The following ZNF551 variants were observed in gnomAD, a reference collection of about 807,000 sequenced individuals.
ZNF551 encodes the protein zinc finger protein 551.
In ZNF551, 5 loss-of-function variants were observed where a neutral mutation model predicts 7.9. That is an observed-to-expected ratio of 0.63 (90% confidence interval 0.33 to 1.33). ZNF551 has a LOEUF of 1.33. Ranked by LOEUF, ZNF551 falls within the 40% of genes most tolerant of loss-of-function variation. The pLI, the probability that ZNF551 is intolerant of heterozygous loss-of-function variation, is 0.05. For missense variants in ZNF551, 788 were observed against 825.2 expected (o/e 0.95, Z 0.55); for synonymous variants, 287 against 277.3 (o/e 1.03, Z -0.35).
At chr19:57,685,902 T>C (rs1984538244) in intron 2 of ZNF551, among the ~76,000 whole-genome samples, 1 of 152,212 alleles carries the variant, frequency 6.6e-6, no homozygotes, top group East Asian at 1.9e-4. Context: ...CAGCAGTATT[T>C]TGGTGCAAGT....
rs750722810 is a variant in ZNF551 at position 57,687,957 on chromosome 19, G to T, written c.1682G>T (p.Cys561Phe). The T allele has an allele frequency of 4.3e-6, 7 of 1,614,172 alleles. No homozygotes were observed. In the South Asian group the frequency reaches 7.7e-5, roughly 18 times the overall value. Residue 561 changes from cysteine (C) to phenylalanine (F), a missense_variant, in exon 3 of 3, where the codon TGT becomes TTT. Transcript: ENST00000282296. ...CATACTGGAGAAAGGCCTTATGAAT[G>T]TAGTGAATGTGGAAAGTCTTTTAGC... is the stretch of plus-strand genomic sequence containing the variant. ...RLHTGERPYE[C>F]SECGKSFSQS...
In ZNF551 at chr19:57,682,186, G is replaced by T; in HGVS notation, c.23G>T (p.Arg8Leu). 6.5e-7 allele frequency: 1 copy of T among 1,549,338 alleles called. No homozygotes were observed. The highest frequency in any genetic ancestry group is 8.7e-7 in the Non-Finnish European group (1 of 1,146,780). ...CGAATGCCCGCCCCGGTCGGCCGCCGCTCCCCGCCTAGTCCACGGAGCTCA... is the reference window on the plus strand; with the variant it reads ...CGAATGCCCGCCCCGGTCGGCCGCCTCTCCCCGCCTAGTCCACGGAGCTCA... MPAPVGR[R>L]SPPSPRSSMA... Residue 8 changes from arginine to leucine, a missense_variant, in exon 1 of 3, where the codon CGC becomes CTC. By Grantham distance (102) the Arg-to-Leu change is moderately radical (BLOSUM62 -2). Coordinates refer to ENST00000282296, the MANE Select transcript of ZNF551 (RefSeq NM_138347.5).
chr19:57,686,471 C>T lies in ZNF551; in HGVS notation c.206-10C>T. 1 of 1,594,408 alleles carries T rather than the reference C, an allele frequency of 6.3e-7. No individual in the cohort carries two copies. The highest frequency in any genetic ancestry group is 8.6e-7 in the Non-Finnish European group (1 of 1,166,034). On this transcript the variant is annotated splice_polypyrimidine_tract_variant and intron_variant, in intron 2 of 2. Transcript: ENST00000282296. Reference sequence around the variant, plus strand: ...CAGCATGCATTTCATCAGCATTTCTCTGCTTTCAGGTTATTGCCATGGAAT... The same window carrying T: ...CAGCATGCATTTCATCAGCATTTCTTTGCTTTCAGGTTATTGCCATGGAAT...
At chr19:57,685,238 A>G (rs1984518046) in intron 1 of ZNF551, 24 bp from the exon 2 acceptor site, 1 of 1,612,644 alleles carries the variant, frequency 6.2e-7, no homozygotes, top group Admixed American at 1.7e-5. Flanking sequence ...CTGATCGTGG[A>G]TTGAACTATT....
intron 1 of ZNF551, 118 bp downstream of exon 1, chr19:57,682,362 G>A: frequency 3.5e-6 from 4 of 1,133,568 alleles, no homozygotes; most frequent in Non-Finnish European, 4.9e-6. Flanking sequence ...ACAAGAAGGC[G>A]CTTGTGGATT....
At position 57,688,342 on chromosome 19, in the gene ZNF551, T is replaced by G. The variant is rs1984657525; in HGVS notation, c.*54T>G. 1 of 1,562,772 alleles carries G rather than the reference T, an allele frequency of 6.4e-7. No individual in the cohort carries two copies. The highest frequency in any genetic ancestry group is 1.4e-5 in the African/African-American group (1 of 73,098). On this transcript the variant is annotated 3_prime_UTR_variant, in exon 3 of 3. Transcript: ENST00000282296. Reference sequence around the variant, plus strand: ...TCAGTATAATAGCACTGGAGGAGACTGTGGTAGCCATCTTCGTAAATTTAA... The same window carrying G: ...TCAGTATAATAGCACTGGAGGAGACGGTGGTAGCCATCTTCGTAAATTTAA...
chr19:57,687,419 CAG>C lies in ZNF551; in HGVS notation c.1149_1150del (p.Arg383SerfsTer12). 1.2e-6 allele frequency: 2 copies of C among 1,613,926 alleles called. No homozygotes were observed. The highest frequency in any genetic ancestry group is 1.7e-4 in the Middle Eastern group (1 of 6,058). On this transcript the variant is annotated frameshift_variant, in exon 3 of 3. Coordinates refer to ENST00000282296, the MANE Select transcript of ZNF551 (RefSeq NM_138347.5). LOFTEE classifies it low-confidence loss of function (END_TRUNC). Reference sequence around the variant, plus strand: ...ACAAAGCTCTAGCCTTTTTCGACACCAGAGAGTTCACTCTGGAGAAAGGCCTT... The same window carrying C: ...ACAAAGCTCTAGCCTTTTTCGACACCAGAGTTCACTCTGGAGAAAGGCCTT... ...FRQSSSLFRH[Q>X]RVHSGERPYQ...
intron 1 of ZNF551, among the ~76,000 whole-genome samples, chr19:57,683,361 T>G (rs1474233144): frequency 1.3e-5 from 2 of 152,228 alleles, no homozygotes; most frequent in Non-Finnish European, 2.9e-5. Flanking sequence ...CTGAAAGGTT[T>G]TATTTTGGCA....
At chr19:57,683,078 A>G (rs1984441776) in intron 1 of ZNF551, among the ~76,000 whole-genome samples, 1 of 152,196 alleles carries the variant, frequency 6.6e-6, no homozygotes, top group African/African-American at 2.4e-5. Context: ...TCGTTACTTA[A>G]TAGTAACAGT....
In ZNF551 at chr19:57,685,244, C is replaced by T. The variant is rs1568455231; in HGVS notation, c.82-18C>T. On this transcript the variant is annotated intron_variant, in intron 1 of 2. Transcript: ENST00000282296. ...ACTCCGGGTCTGATCGTGGATTGAACTATTCCTGCTGTGACAGGGTATGAC... is the reference window on the plus strand; with the variant it reads ...ACTCCGGGTCTGATCGTGGATTGAATTATTCCTGCTGTGACAGGGTATGAC... 1 of 1,613,112 alleles carries T rather than the reference C, an allele frequency of 6.2e-7. No individual in the cohort carries two copies. The highest frequency in any genetic ancestry group is 8.5e-7 in the Non-Finnish European group (1 of 1,179,490).
Position 57,687,671 on chromosome 19 carries a change from C to T in ZNF551, c.1396C>T (p.Arg466Cys), listed in dbSNP as rs146684151. 493 of 1,613,996 alleles carry T rather than the reference C, an allele frequency of 3.1e-4. 3 individuals carry two copies. In the African/African-American group the frequency reaches 5.5e-3, roughly 18 times the overall value. ...ACAATTCTCTAACCTCATTCGACAC[C>T]GCAGCATTCACACTGGTGATAGGCC... is the stretch of plus-strand genomic sequence containing the variant. ...FRQFSNLIRHRSIHTGDRPYE... is the reference protein window; with the variant it reads ...FRQFSNLIRHCSIHTGDRPYE... The change falls in exon 3 of 3, where the codon CGC (arginine) becomes TGC (cysteine). Residue 466 changes from arginine (R) to cysteine (C), a missense_variant. Arg to Cys is a radical substitution (Grantham distance 180, BLOSUM62 -3). Transcript: ENST00000282296.
Position 57,685,227 on chromosome 19 carries a change from T to G in ZNF551, c.82-35T>G, listed in dbSNP as rs548919829. 2.0e-5 allele frequency: 32 copies of G among 1,610,458 alleles called. No individual in the cohort carries two copies. In the Admixed American group the frequency reaches 5.0e-4, roughly 25 times the overall value. Reference sequence around the variant, plus strand: ...GGGCAAGAGGATAATGAACTCCGGGTCTGATCGTGGATTGAACTATTCCTG... The same window carrying G: ...GGGCAAGAGGATAATGAACTCCGGGGCTGATCGTGGATTGAACTATTCCTG... On this transcript the variant is annotated intron_variant, in intron 1 of 2. Transcript: ENST00000282296.
intron 1 of ZNF551, 43 bp from the exon 2 acceptor site, chr19:57,685,217 GAA>G (rs1340926669): frequency 1.2e-6 from 2 of 1,604,980 alleles, no homozygotes; most frequent in South Asian, 2.2e-5. Flanking sequence ...AGAGGATAAT[GAA>G]CTCCGGGTCT....
At chr19:57,685,577 T>C in intron 2 of ZNF551, 192 bp downstream of exon 2, 2 of 772,568 alleles carry the variant, frequency 2.6e-6, no homozygotes, top group East Asian at 2.5e-5. Flanking sequence ...CATTTCCTTA[T>C]GTCCACCTAT....
chr19:57,682,349 T>C, intron 1 of ZNF551, 105 bp downstream of exon 1: 1 of 1,253,364 alleles, frequency 8.0e-7, no homozygotes, highest in Non-Finnish European at 1.1e-6. Flanking sequence ...CCCAGTACCC[T>C]GGACAAGAAG....
At position 57,682,243 on chromosome 19, in the gene ZNF551, A is replaced by T. The variant is rs1029827229; in HGVS notation, c.80A>T (p.Gln27Leu). ...GCAGTCGCGCTGAGGGACTCGGCTC[A>T]GGTGAGTTGTGCGTCCTCCGGGTCT... ...MAAVALRDSA[Q>L]GMTFEDVAIY... is the part of the protein sequence containing the mutation. The change falls in exon 1 of 3, where the codon CAG becomes CTG. Residue 27 changes from glutamine to leucine, a missense_variant and splice_region_variant. Physicochemically the swap from Gln to Leu is moderately radical, Grantham distance 113. Transcript: ENST00000282296. 4.5e-6 allele frequency: 7 copies of T among 1,550,238 alleles called. No homozygotes were observed. The highest frequency in any genetic ancestry group is 4.1e-5 in the African/African-American group (3 of 73,044).
intron 1 of ZNF551, among the ~76,000 whole-genome samples, chr19:57,684,287 G>A (rs535185259): frequency 2.0e-5 from 3 of 152,306 alleles, no homozygotes; most frequent in East Asian, 3.9e-4. Flanking sequence ...CAGTTGGGAG[G>A]CCAAGGAGAT....
At position 57,687,160 on chromosome 19, in the gene ZNF551, C is replaced by G. The variant is rs1267554291; in HGVS notation, c.885C>G (p.Ile295Met). ...CCTTTAGCAAAAAGTGCCACCTAAT[C>G]TTACACAAGATAATTCACACTGGAG... is the stretch of plus-strand genomic sequence containing the variant. ...EESFSKKCHL[I>M]LHKIIHTGER... The change falls in exon 3 of 3, where the codon ATC becomes ATG. Residue 295 changes from isoleucine to methionine, a missense_variant. Ile to Met is a conservative substitution (Grantham distance 10). Transcript: ENST00000282296. 1 of 1,614,064 alleles carries G rather than the reference C, an allele frequency of 6.2e-7. No homozygotes were observed. Among genetic ancestry groups the G allele is most frequent in the Non-Finnish European group, 8.5e-7 (1 of 1,180,046 alleles).
intron 1 of ZNF551, among the ~76,000 whole-genome samples, chr19:57,683,045 C>T (rs1984440594): frequency 6.6e-6 from 1 of 152,240 alleles, no homozygotes; most frequent in South Asian, 2.1e-4. Flanking sequence ...CGGAATGGTT[C>T]CCTGAGAAGT....
Sources: allele counts gnomAD v4.1 joint callset (sites outside exome capture counted in the v4.1 genomes callset), GRCh38; gene constraint gnomAD v4.1.1; transcripts MANE v1.5; gene names NCBI Gene and HGNC (gene_info 2026-07-23, HGNC 2026-07-21).